Variants in DLGAP2 observed in about 807,000 individuals in gnomAD.
DLGAP2 encodes DLG associated protein 2.
DLGAP2 carries 26 observed loss-of-function variants against 100.3 expected under a neutral mutation model. The observed-to-expected ratio is 0.26, with a 90% CI of 0.19 to 0.36. The LOEUF is 0.36. Ranked by LOEUF, DLGAP2 falls within the 10% of genes least tolerant of loss-of-function variation. DLGAP2 has a pLI of 1.00. For missense variants in DLGAP2, 1,858 were observed against 1,453.2 expected, an observed-to-expected ratio of 1.28 and a Z score of -4.53; for synonymous variants, 886 against 630.1, an observed-to-expected ratio of 1.41 and a Z score of -6.08.
At chr8:1,686,939 C>G (rs908448432) in intron 12 of DLGAP2, among the ~76,000 whole-genome samples, 1 of 152,156 alleles carries the variant, frequency 6.6e-6, no homozygotes, top group African/African-American at 2.4e-5. Context: ...CTGATTTGAT[C>G]TTAGCACACT....
At chr8:795,684 C>T (rs62485635) in intron 1 of DLGAP2, among the ~76,000 whole-genome samples, 635 of 24,138 alleles carry the variant, frequency 0.026, no homozygotes, top group East Asian at 0.054. Context: ...TGAGAACAGG[C>T]GTCCAGTGAG....
intron 2 of DLGAP2, among the ~76,000 whole-genome samples, chr8:909,712 G>A (rs372509404): frequency 7.9e-5 from 12 of 152,308 alleles, no homozygotes; most frequent in African/African-American, 1.7e-4. Context: ...TTAATATTCG[G>A]TGTGGATAAG....
intron 3 of DLGAP2, among the ~76,000 whole-genome samples, chr8:1,335,217 G>A (rs1318435306): frequency 6.6e-6 from 1 of 152,192 alleles, no homozygotes; most frequent in Admixed American, 6.5e-5. Flanking sequence ...CTACACCGAA[G>A]CCATCAGGAG....
chr8:986,033 TA>T (rs1245130204), intron 2 of DLGAP2, among the ~76,000 whole-genome samples: 9 of 152,270 alleles, frequency 5.9e-5, no homozygotes, highest in East Asian at 5.8e-4. Context: ...TCCCCATTAT[TA>T]GGGGGGAGTA....
chr8:890,277 G>A (rs1264277886), intron 1 of DLGAP2, among the ~76,000 whole-genome samples: 2 of 152,166 alleles, frequency 1.3e-5, no homozygotes, highest in Admixed American at 1.3e-4. Flanking sequence ...CCATGCACGT[G>A]CACGCGCATG....
chr8:806,312 T>C (rs1233305706), intron 1 of DLGAP2, among the ~76,000 whole-genome samples: 4 of 152,180 alleles, frequency 2.6e-5, no homozygotes, highest in African/African-American at 9.6e-5. Flanking sequence ...ACAGCTCTTC[T>C]CTCTGGAGGG....
chr8:1,618,924 C>T lies in DLGAP2; in HGVS notation c.1443-7816C>T, dbSNP rs148193604. On this transcript the variant is annotated intron_variant, in intron 6 of 14. Coordinates refer to ENST00000637795, the MANE Select transcript of DLGAP2 (RefSeq NM_001346810.2). ...GTGGCAAACTCAAAATATCTCCATA[C>T]ATCACCAGATGTCCCTTGAGGGCCT... Among the ~76,000 whole-genome samples the T allele has an allele frequency of 9.4e-3, 1,430 of 152,284 alleles. 22 individuals are homozygous for T. The highest frequency in any genetic ancestry group is 0.033 in the African/African-American group (1,359 of 41,558).
intron 3 of DLGAP2, among the ~76,000 whole-genome samples, chr8:1,270,678 CTCTATTTATGTCTCTGTGTGTGTCTCTG>C (rs1799563563): frequency 6.7e-6 from 1 of 149,180 alleles, no homozygotes; most frequent in Non-Finnish European, 1.5e-5. Context: ...GTGTGTGTCT[CTCTATTTATGTCTCTGTGTGTGTCTCTG>C]TGTGTGTGTG....
intron 3 of DLGAP2, among the ~76,000 whole-genome samples, chr8:1,315,848 C>G (rs34271790): frequency 1.4e-4 from 10 of 73,464 alleles, no homozygotes; most frequent in Admixed American, 4.4e-4. Flanking sequence ...AAAAATAGAG[C>G]CTGTGCGAGT....
At chr8:1,167,609 A>G (rs1797043598) in intron 2 of DLGAP2, among the ~76,000 whole-genome samples, 1 of 152,200 alleles carries the variant, frequency 6.6e-6, no homozygotes, top group South Asian at 2.1e-4. Context: ...TTAAAATTAT[A>G]TTGCACATAA....
At chr8:742,923 A>C (rs1311557292) in intron 1 of DLGAP2, among the ~76,000 whole-genome samples, 1 of 152,202 alleles carries the variant, frequency 6.6e-6, no homozygotes. Flanking sequence ...CATGACTGTA[A>C]AGTGATAAGA....
At chr8:764,409 A>G (rs909596780) in intron 1 of DLGAP2, among the ~76,000 whole-genome samples, 2 of 152,256 alleles carry the variant, frequency 1.3e-5, no homozygotes, top group African/African-American at 4.8e-5. Context: ...ATCAAAACTT[A>G]CATAAACGCC....
Position 820,473 on chromosome 8 carries a change from T to C in DLGAP2, c.18+82648T>C, listed in dbSNP as rs1187445843. Among the ~76,000 whole-genome samples, 3 of 151,952 alleles carry C rather than the reference T, an allele frequency of 2.0e-5. No individual in the cohort carries two copies. In the East Asian group the frequency reaches 5.8e-4, roughly 29 times the overall value. On this transcript the variant is annotated intron_variant, in intron 1 of 14. Transcript: ENST00000637795. ...ATAAGCATCCGGCATATGTAAAGAG[T>C]TCCTCGAAAGCAATGAAAAATTTAT...
chr8:1,577,570 A>G (rs1803038659), intron 6 of DLGAP2, among the ~76,000 whole-genome samples: 1 of 59,704 alleles, frequency 1.7e-5, no homozygotes, highest in Non-Finnish European at 4.4e-5. Flanking sequence ...TCTCTCTCAA[A>G]AAAAAAAAAA....
At chr8:1,352,194 G>A (rs1801747719) in intron 3 of DLGAP2, among the ~76,000 whole-genome samples, 1 of 114,902 alleles carries the variant, frequency 8.7e-6, no homozygotes. Flanking sequence ...AGGCTGTGCG[G>A]GTCCTGACTG....
intron 6 of DLGAP2, among the ~76,000 whole-genome samples, chr8:1,620,712 A>G (rs1049281607): frequency 2.0e-5 from 3 of 152,018 alleles, no homozygotes; most frequent in Admixed American, 2.0e-4. Flanking sequence ...TCAAGTCTGC[A>G]GGAGCCTCTC....
chr8:1,552,625 C>T (rs1218261641), intron 5 of DLGAP2, among the ~76,000 whole-genome samples: 2 of 152,200 alleles, frequency 1.3e-5, no homozygotes, highest in Non-Finnish European at 2.9e-5. Flanking sequence ...TTTTATTTCG[C>T]AGCCAGGAAA....
Position 1,333,028 on chromosome 8 carries a change from G to C in DLGAP2, c.106+74145G>C, listed in dbSNP as rs1323272841. On this transcript the variant is annotated intron_variant, in intron 3 of 14. Coordinates refer to ENST00000637795, the MANE Select transcript of DLGAP2 (RefSeq NM_001346810.2). ...GGTGTGGAGCATCAGGGCAGGGGCA[G>C]CCCTGTGACACCGCCCGAGGTGTTG... is the stretch of plus-strand genomic sequence containing the variant. 4.6e-5 allele frequency among the ~76,000 whole-genome samples: 7 copies of C among 152,298 alleles called. No individual in the cohort carries two copies. In the South Asian group the frequency reaches 8.3e-4, roughly 18 times the overall value.
intron 2 of DLGAP2, among the ~76,000 whole-genome samples, chr8:1,191,111 G>A (rs1281036465): frequency 6.6e-6 from 1 of 151,998 alleles, no homozygotes; most frequent in African/African-American, 2.4e-5. Context: ...TACGTGGGAT[G>A]TCTTGCAATA....
Sources: gnomAD v4.1 joint callset for allele counts (sites outside exome capture counted in the v4.1 genomes callset) on GRCh38, gnomAD v4.1.1 for gene constraint, MANE v1.5 for transcripts, NCBI Gene and HGNC (gene_info 2026-07-23, HGNC 2026-07-21) for gene names.